PTK2: variants seen among roughly 807,000 people sequenced by gnomAD.
The protein encoded by PTK2 is focal adhesion kinase 1.
Under a neutral mutation model 150.1 loss-of-function variants are expected in PTK2, and 45 were observed. The observed-to-expected ratio is 0.30, with a 90% CI of 0.24 to 0.38. PTK2 has a LOEUF of 0.38. Among genes scored for constraint, PTK2 ranks in the 10% least tolerant of loss-of-function variants. PTK2 has a pLI of 1.00. For synonymous variants in PTK2, 432 were observed against 449.2 expected (o/e 0.96, Z 0.48); for missense variants, 919 against 1,307.3 (o/e 0.70, Z 4.58).
intron 14 of PTK2, among the ~76,000 whole-genome samples, chr8:140,780,659 T>C (rs994412309): frequency 2.0e-5 from 3 of 152,216 alleles, no homozygotes; most frequent in Non-Finnish European, 4.4e-5. Context: ...GTACTTCTTG[T>C]CTGATTCTTG....
In PTK2 at chr8:140,679,003, GTTTTTTTTTTTTTTTTTTTTTTTTT is replaced by G. The variant is rs533089786; in HGVS notation, c.2563-3529_2563-3505del. Among the ~76,000 whole-genome samples the G allele has an allele frequency of 2.3e-4, 16 of 69,008 alleles. No individual in the cohort carries two copies. The Admixed American group carries it at 2.4e-3, about 10-fold the overall frequency. 45.3% of individuals were successfully genotyped at this position (69,008 alleles called of 152,430 possible). ...TCACGGCCAGCTGAGTGCTCCCCAT[GTTTTTTTTTTTTTTTTTTTTTTTTT>G]TTTTTTTTTTTTTTGAGACGGACTC... On this transcript the variant is annotated intron_variant, in intron 27 of 31. Transcript: ENST00000522684.
In PTK2 at chr8:140,837,399, G is replaced by A. The variant is rs182101884; in HGVS notation, c.594-6873C>T. Among the ~76,000 whole-genome samples the A allele has an allele frequency of 8.5e-5, 13 of 152,308 alleles. No individual in the cohort carries two copies. The East Asian group carries it at 2.1e-3, about 25-fold the overall frequency. On this transcript the variant is annotated intron_variant, in intron 7 of 31. Transcript: ENST00000522684. Reference sequence around the variant, plus strand: ...TATTTGTCACACTCTCAGAAACTATGCCTTAGTGGTAGTAGTAGTACTAGT... The same window carrying A: ...TATTTGTCACACTCTCAGAAACTATACCTTAGTGGTAGTAGTAGTACTAGT...
chr8:140,699,362 A>G (rs990691935), intron 26 of PTK2, among the ~76,000 whole-genome samples: 1 of 152,136 alleles, frequency 6.6e-6, no homozygotes, highest in African/African-American at 2.4e-5. Context: ...CACAGTCCTT[A>G]GTTCTGAGGC....
chr8:140,744,854 CAAT>C, intron 18 of PTK2, 87 bp from the exon 22 acceptor site: 1 of 649,376 alleles, frequency 1.5e-6, no homozygotes, highest in East Asian at 2.6e-5. Context: ...CTACATTCAA[CAAT>C]AATGCTGTTT....
chr8:140,676,659 G>A lies in PTK2; in HGVS notation c.2563-1160C>T, dbSNP rs184400911. 3.9e-3 allele frequency among the ~76,000 whole-genome samples: 580 copies of A among 149,786 alleles called. 3 individuals carry two copies. The highest frequency in any genetic ancestry group is 6.8e-3 in the Admixed American group (101 of 14,914). ...ATTACTTAATGGCGCCAGGTGCAGT[G>A]GCTCACGCCTGTAATCCCAGCACTT... On this transcript the variant is annotated intron_variant, in intron 27 of 31. Coordinates refer to ENST00000522684, the Ensembl canonical transcript of PTK2.
chr8:140,709,175 A>G (rs149015059), intron 23 of PTK2, among the ~76,000 whole-genome samples: 1 of 152,322 alleles, frequency 6.6e-6, no homozygotes, highest in East Asian at 1.9e-4. Flanking sequence ...CTACTGTGCC[A>G]TGATGCTATT....
intron 4 of PTK2, among the ~76,000 whole-genome samples, chr8:140,870,719 C>T (rs910180235): frequency 4.6e-5 from 7 of 152,118 alleles, no homozygotes; most frequent in Non-Finnish European, 8.8e-5. Flanking sequence ...ACAAAGGGCA[C>T]ACCTAATTTG....
chr8:140,700,756 C>T (rs545930781), intron 26 of PTK2, 135 bp downstream of exon 29: 115 of 1,215,676 alleles, frequency 9.5e-5, no homozygotes, highest in Middle Eastern at 8.9e-4. Flanking sequence ...CCATGCCTGG[C>T]CTATTCCAAG....
intron 11 of PTK2, 86 bp from the exon 12 acceptor site, chr8:140,800,662 A>G: frequency 2.0e-6 from 2 of 985,252 alleles, no homozygotes. Context: ...AGACATCTCT[A>G]TACACTTGAA....
At chr8:140,942,643 TGTGC>T (rs72074462) in intron 1 of PTK2, among the ~76,000 whole-genome samples, 24 of 151,624 alleles carry the variant, frequency 1.6e-4, no homozygotes, top group South Asian at 1.0e-3. Flanking sequence ...TGTGTGTGTG[TGTGC>T]GCGCATATAT....
chr8:140,830,068 C>T (rs990843689), intron 8 of PTK2, among the ~76,000 whole-genome samples: 7 of 123,692 alleles, frequency 5.7e-5, no homozygotes, highest in East Asian at 2.2e-4. Flanking sequence ...AATGCACTAA[C>T]ATGCACGCAC....
intron 19 of PTK2, among the ~76,000 whole-genome samples, chr8:140,744,300 C>T (rs2100057447): frequency 6.6e-6 from 1 of 152,090 alleles, no homozygotes; most frequent in South Asian, 2.1e-4. Flanking sequence ...AGACCACTTC[C>T]ACATGTTCAC....
chr8:140,957,369 T>G (rs2100181554), intron 1 of PTK2, among the ~76,000 whole-genome samples: 1 of 152,172 alleles, frequency 6.6e-6, no homozygotes, highest in Non-Finnish European at 1.5e-5. Flanking sequence ...GGGCTCACAT[T>G]GTACTGCTGT....
intron 16 of PTK2, among the ~76,000 whole-genome samples, chr8:140,754,144 T>A (rs561312981): frequency 7.0e-4 from 107 of 152,330 alleles, no homozygotes; most frequent in African/African-American, 2.5e-3. Flanking sequence ...CTGCATTCCC[T>A]TTCTTCACCT....
chr8:140,730,072 T>G (rs2100048314), intron 22 of PTK2, among the ~76,000 whole-genome samples: 1 of 152,232 alleles, frequency 6.6e-6, no homozygotes, highest in South Asian at 2.1e-4. Flanking sequence ...AGACTTGCTA[T>G]CAATGCACAT....
At chr8:140,927,971 A>ATATATAT (rs1209829069) in intron 1 of PTK2, among the ~76,000 whole-genome samples, 36 of 66,908 alleles carry the variant, frequency 5.4e-4, no homozygotes, top group South Asian at 4.0e-3. Flanking sequence ...AAAAAAAAAA[A>ATATATAT]AAAAATATAT....
intron 16 of PTK2, among the ~76,000 whole-genome samples, chr8:140,760,172 A>C (rs1245739700): frequency 1.3e-5 from 2 of 151,254 alleles, no homozygotes; most frequent in African/African-American, 2.4e-5. Flanking sequence ...CAGTGAGCTG[A>C]GAAGACACCA....
At chr8:140,696,366 G>C (rs560781107) in intron 26 of PTK2, among the ~76,000 whole-genome samples, 1 of 152,284 alleles carries the variant, frequency 6.6e-6, no homozygotes, top group South Asian at 2.1e-4. Flanking sequence ...GAGCATGTGT[G>C]AGAGTGCAGG....
At chr8:140,796,011 T>A (rs550784694) in intron 12 of PTK2, among the ~76,000 whole-genome samples, 2 of 152,218 alleles carry the variant, frequency 1.3e-5, no homozygotes, top group Non-Finnish European at 1.5e-5. Flanking sequence ...CACAGAGCAT[T>A]TGCCACATAT....
Sources: gnomAD v4.1 joint callset for allele counts (sites outside exome capture counted in the v4.1 genomes callset) on GRCh38, gnomAD v4.1.1 for gene constraint, MANE v1.5 for transcripts, NCBI Gene and HGNC (gene_info 2026-07-23, HGNC 2026-07-21) for gene names.